Variants in PCDHA12 observed in about 807,000 individuals in gnomAD.
PCDHA12 encodes the protein protocadherin alpha-12.
PCDHA12 carries 44 observed loss-of-function variants against 60.0 expected under a neutral mutation model. The observed-to-expected ratio is 0.73, with a 90% confidence interval of 0.58 to 0.94. The LOEUF (loss-of-function observed/expected upper bound fraction) is 0.94, where lower values mean the gene tolerates loss of function less well. Ranked by LOEUF, PCDHA12 falls within the 40% of genes least tolerant of loss-of-function variation. The probability of loss-of-function intolerance (pLI) is 0.00; values close to 1 mark genes in which losing one functional copy is unlikely to be tolerated. For synonymous variants in PCDHA12, 569 were observed against 553.0 expected, an observed-to-expected ratio of 1.03 and a Z score of -0.40; for missense variants, 1,276 against 1,239.7, an observed-to-expected ratio of 1.03 and a Z score of -0.44.
chr5:140,971,290 A>G (rs2096467357), intron 1 of PCDHA12, among the ~76,000 whole-genome samples: 1 of 152,204 alleles, frequency 6.6e-6, no homozygotes, highest in East Asian at 1.9e-4. Context: ...ATTAATATGT[A>G]CTTTGGTACA....
Position 140,929,454 on chromosome 5 carries a change from C to T in PCDHA12, c.2368-49495C>T, listed in dbSNP as rs2086172726. ...AACTAAACACTCCTTCTTAGCACTTCCTGTGCCAAGAAATCTGGAAGTATA... is the reference window on the plus strand; with the variant it reads ...AACTAAACACTCCTTCTTAGCACTTTCTGTGCCAAGAAATCTGGAAGTATA... On this transcript the variant is annotated intron_variant, in intron 1 of 3. Transcript: ENST00000398631. 7 of 1,355,724 alleles carry T rather than the reference C, an allele frequency of 5.2e-6. No individual in the cohort carries two copies. In the Admixed American group the frequency reaches 8.0e-5, roughly 16 times the overall value. The allele number at this position is 1,355,724 out of a possible 1,614,324, so 84.0% of individuals were successfully genotyped here. A position where few individuals can be genotyped will look rare whatever the true frequency, so the allele number is the denominator to read the frequency against.
chr5:140,877,042 G>C lies in PCDHA12; in HGVS notation c.1570G>C (p.Asp524His). 1 of 1,612,636 alleles carries C rather than the reference G, an allele frequency of 6.2e-7. No individual in the cohort carries two copies. Among genetic ancestry groups the C allele is most frequent in the Non-Finnish European group, 8.5e-7 (1 of 1,179,810 alleles). Residue 524 changes from aspartate to histidine, a missense_variant, in exon 1 of 4, where the codon GAC becomes CAC. Asp to His is a moderately conservative substitution (Grantham distance 81, BLOSUM62 -1). Transcript: ENST00000398631. The part of the protein sequence containing the change: ...SGKVYALQPL[D>H]HEELELLQFQ... ...CAAGGTGTACGCGCTGCAGCCGCTA[G>C]ACCACGAGGAGCTGGAGCTGCTGCA...
At position 140,875,396 on chromosome 5, in the gene PCDHA12, T is replaced by TA. The variant is rs1256359492; in HGVS notation, c.-77_-76insA. The TA allele has an allele frequency of 1.4e-6, 2 of 1,478,102 alleles. No individual in the cohort carries two copies. The highest frequency in any genetic ancestry group is 2.8e-5 in the African/African-American group (2 of 70,508). 91.6% of individuals were successfully genotyped at this position (1,478,102 alleles called of 1,614,324 possible). A position where few individuals can be genotyped will look rare whatever the true frequency, so the allele number is the denominator to read the frequency against. ...CTAAATATGTACTTACAGAAAAGGG[T>TA]GACTGCTCATAAAATACCTCAGGCA... On this transcript the variant is annotated 5_prime_UTR_variant, in exon 1 of 4. The change creates a premature stop within an existing upstream ORF in the 5' untranslated region. Transcript: ENST00000398631.
chr5:140,876,072 GGA>G lies in PCDHA12; in HGVS notation c.601_602del (p.Asp201GlnfsTer18). On this transcript the variant is annotated frameshift_variant, in exon 1 of 4. Coordinates refer to ENST00000398631, the MANE Select transcript of PCDHA12 (RefSeq NM_018903.4). LOFTEE classifies it high-confidence loss of function. ...LPELVLRKLLDREQTPKLNLL... is the reference protein window; with the variant it reads ...LPELVLRKLLXREQTPKLNLL... ...CTGAATTAGTTCTTCGGAAGTTATT[GGA>G]CAGAGAGCAAACGCCAAAACTCAAT... The G allele has an allele frequency of 1.2e-6, 2 of 1,613,902 alleles. No homozygotes were observed. Among genetic ancestry groups the G allele is most frequent in the Non-Finnish European group, 8.5e-7 (1 of 1,179,894 alleles).
intron 1 of PCDHA12, among the ~76,000 whole-genome samples, chr5:140,946,755 A>G (rs1554217843): frequency 3.3e-5 from 5 of 151,400 alleles, no homozygotes. Context: ...ATACTGCATG[A>G]TCTCATTCAT....
intron 1 of PCDHA12, among the ~76,000 whole-genome samples, chr5:140,918,678 A>G (rs2078806155): frequency 6.6e-6 from 1 of 152,098 alleles, no homozygotes; most frequent in South Asian, 2.1e-4. Context: ...AAGAGGTGAG[A>G]CCTTTCAAAC....
At position 141,012,179 on chromosome 5, in the gene PCDHA12, T is replaced by C. The variant is rs2098423152; in HGVS notation, c.*2242T>C. ...GGGCTAATTTATTAATGATGATAAT[T>C]ATAATGTATCTGTACAGCACTTTTT... is the stretch of plus-strand genomic sequence containing the variant. On this transcript the variant is annotated 3_prime_UTR_variant, in exon 4 of 4. Coordinates refer to ENST00000398631, the MANE Select transcript of PCDHA12 (RefSeq NM_018903.4). 1 of 153,764 alleles carries C rather than the reference T, an allele frequency of 6.5e-6. No individual in the cohort carries two copies. Among genetic ancestry groups the C allele is most frequent in the South Asian group, 2.1e-4 (1 of 4,828 alleles). 9.5% of individuals were successfully genotyped at this position (153,764 alleles called of 1,614,324 possible). A position where few individuals can be genotyped will look rare whatever the true frequency, so the allele number is the denominator to read the frequency against.
At chr5:140,894,236 T>C (rs1205163436) in intron 1 of PCDHA12, among the ~76,000 whole-genome samples, 7 of 152,250 alleles carry the variant, frequency 4.6e-5, no homozygotes, top group South Asian at 2.1e-4. Context: ...TGAATGACAA[T>C]GTAATTTTCT....
chr5:141,003,086 G>T (rs782184121), intron 3 of PCDHA12, among the ~76,000 whole-genome samples: 7 of 152,194 alleles, frequency 4.6e-5, no homozygotes, highest in Non-Finnish European at 1.0e-4. Flanking sequence ...GAGTTTAACA[G>T]GCCTGGCATT....
At chr5:140,967,155 C>A (rs1554229255) in intron 1 of PCDHA12, 1 of 1,610,598 alleles carries the variant, frequency 6.2e-7, no homozygotes, top group Admixed American at 1.7e-5. Context: ...AACCCCGTGG[C>A]GGTGAGCGCC....
rs1486242200 is a variant in PCDHA12, at chr5:140,900,929, A to G, written c.2367+23090A>G. ...CTGTGGTAAGATGATATCTCATTGT[A>G]GTTTTGATTTGCATTTCTCTGATTA... On this transcript the variant is annotated intron_variant, in intron 1 of 3. Coordinates refer to ENST00000398631, the MANE Select transcript of PCDHA12 (RefSeq NM_018903.4). Among the ~76,000 whole-genome samples, 8 of 152,104 alleles carry G rather than the reference A, an allele frequency of 5.3e-5. No individual in the cohort carries two copies. The East Asian group carries it at 1.5e-3, about 29-fold the overall frequency.
chr5:140,988,059 T>C (rs1587274242), intron 3 of PCDHA12, among the ~76,000 whole-genome samples: 1 of 152,324 alleles, frequency 6.6e-6, no homozygotes, highest in East Asian at 1.9e-4. Flanking sequence ...ACTGTCAACA[T>C]GAATTTTTCT....
At position 140,970,818 on chromosome 5, in the gene PCDHA12, G is replaced by A. The variant is rs77234853; in HGVS notation, c.2368-8131G>A. Among the ~76,000 whole-genome samples, 569 of 152,084 alleles carry A rather than the reference G, an allele frequency of 3.7e-3. 1 individual carries two copies. The highest frequency in any genetic ancestry group is 5.8e-3 in the South Asian group (28 of 4,824). On this transcript the variant is annotated intron_variant, in intron 1 of 3. Coordinates refer to ENST00000398631, the MANE Select transcript of PCDHA12 (RefSeq NM_018903.4). ...CATATTGTTACATTTCAAGTTCATGGTAATCTTGAGGAATGTAATGCACAG... is the reference window on the plus strand; with the variant it reads ...CATATTGTTACATTTCAAGTTCATGATAATCTTGAGGAATGTAATGCACAG...
At chr5:141,006,328 C>CA (rs1258327155) in intron 3 of PCDHA12, among the ~76,000 whole-genome samples, 12 of 152,060 alleles carry the variant, frequency 7.9e-5, no homozygotes, top group Non-Finnish European at 1.6e-4. Flanking sequence ...TCTCCTGCCT[C>CA]AGCCTCCTGA....
Position 140,877,704 on chromosome 5 carries a change from C to A in PCDHA12, c.2232C>A (p.Ala744=). The change falls in exon 1 of 4, where the codon GCC becomes GCA. Residue 744 remains alanine, a synonymous_variant. Transcript: ENST00000398631. ...PGKPTLVCSS[A]VGSWSYSQQR... Reference sequence around the variant, plus strand: ...AGCCCACGCTGGTGTGCTCCAGCGCCGTGGGGAGTTGGTCTTACTCGCAGC... The same window carrying A: ...AGCCCACGCTGGTGTGCTCCAGCGCAGTGGGGAGTTGGTCTTACTCGCAGC... The A allele has an allele frequency of 6.2e-7, 1 of 1,613,954 alleles. No homozygotes were observed. Among genetic ancestry groups the A allele is most frequent in the Non-Finnish European group, 8.5e-7 (1 of 1,179,980 alleles).
At chr5:140,949,975 A>AT (rs2153688056) in intron 1 of PCDHA12, among the ~76,000 whole-genome samples, 1 of 152,044 alleles carries the variant, frequency 6.6e-6, no homozygotes, top group South Asian at 2.1e-4. Flanking sequence ...TACAGCATAC[A>AT]TACTTAACTT....
intron 3 of PCDHA12, among the ~76,000 whole-genome samples, chr5:141,005,774 G>A (rs2098239231): frequency 1.4e-5 from 2 of 144,252 alleles, no homozygotes; most frequent in Non-Finnish European, 3.0e-5. Flanking sequence ...AACCAGATGT[G>A]TAAAGATCCT....
chr5:140,989,237 A>C (rs2097333860), intron 3 of PCDHA12, among the ~76,000 whole-genome samples: 1 of 152,172 alleles, frequency 6.6e-6, no homozygotes, highest in African/African-American at 2.4e-5. Flanking sequence ...CTGAAGTTTT[A>C]AGCCCCTTGT....
At chr5:140,913,394 A>G (rs2076316460) in intron 1 of PCDHA12, among the ~76,000 whole-genome samples, 1 of 152,204 alleles carries the variant, frequency 6.6e-6, no homozygotes, top group Non-Finnish European at 1.5e-5. Flanking sequence ...CATAGCCACT[A>G]ATGATCCTTT....
Sources: gnomAD v4.1 joint callset for allele counts (sites outside exome capture counted in the v4.1 genomes callset) on GRCh38, gnomAD v4.1.1 for gene constraint, MANE v1.5 for transcripts, NCBI Gene and HGNC (gene_info 2026-07-23, HGNC 2026-07-21) for gene names.